PML: variants seen among roughly 807,000 people sequenced by gnomAD.
The protein encoded by PML is protein PML.
A neutral mutation model predicts 65.2 loss-of-function variants in PML; 28 were observed. The observed-to-expected ratio is 0.43, with a 90% CI of 0.32 to 0.59. The LOEUF (loss-of-function observed/expected upper bound fraction) is 0.59, where lower values mean the gene tolerates loss of function less well. PML is among the 20% of genes least tolerant of loss of function. PML has a pLI of 0.08. For synonymous variants in PML, 500 were observed against 508.8 expected (o/e 0.98, Z 0.23); for missense variants, 1,021 against 1,203.4 (o/e 0.85, Z 2.24).
At chr15:74,002,444 C>CTTTTTTTTTTTTTTTT (rs71137368) in intron 2 of PML, among the ~76,000 whole-genome samples, 23 of 104,760 alleles carry the variant, frequency 2.2e-4, no homozygotes, top group South Asian at 3.1e-4. Flanking sequence ...TCTTTCTTTT[C>CTTTTTTTTTTTTTTTT]TTTTTTTTTT....
intron 4 of PML, chr15:74,027,010 T>C (rs2141848220): frequency 1.3e-5 from 2 of 152,352 alleles, no homozygotes; most frequent in Admixed American, 1.3e-4. Flanking sequence ...GCAAATATTA[T>C]TATAGATATT....
intron 7 of PML, chr15:74,036,987 C>T: frequency 1.0e-6 from 1 of 985,476 alleles, no homozygotes. Flanking sequence ...CATCTTTCAT[C>T]AGAATTGCAG....
Position 74,045,262 on chromosome 15 carries a change from A to C in PML, c.*254A>C, listed in dbSNP as rs1168131106. On this transcript the variant is annotated 3_prime_UTR_variant, in exon 9 of 9. Coordinates refer to ENST00000268058, the MANE Select transcript of PML (RefSeq NM_033238.3). ...TTAGCCCCTCCTTCCAGGAGCTAGA[A>C]CCAGGGAGGTCCTGAGTGAGGAAGG... 4.0e-6 allele frequency: 2 copies of C among 503,458 alleles called. No homozygotes were observed. Among genetic ancestry groups the C allele is most frequent in the Non-Finnish European group, 7.1e-6 (2 of 282,964 alleles). The allele number at this position is 503,458 out of a possible 1,614,324, so 31.2% of individuals were successfully genotyped here. A position where few individuals can be genotyped will look rare whatever the true frequency, so the allele number is the denominator to read the frequency against.
chr15:74,016,790 A>ATTTTTTTT (rs1419052993), intron 2 of PML, among the ~76,000 whole-genome samples: 6 of 64,484 alleles, frequency 9.3e-5, no homozygotes, highest in African/African-American at 2.5e-4. Flanking sequence ...AGGCAGTGGC[A>ATTTTTTTT]TCTTTTTTTT....
intron 3 of PML, among the ~76,000 whole-genome samples, chr15:74,023,752 T>C (rs2070952068): frequency 6.6e-6 from 1 of 151,164 alleles, no homozygotes; most frequent in African/African-American, 2.4e-5. Context: ...CTTCAGGAGG[T>C]TCTCTTAAGC....
intron 2 of PML, among the ~76,000 whole-genome samples, chr15:74,010,517 TAAAAAAAA>T (rs59230084): frequency 7.5e-6 from 1 of 133,534 alleles, no homozygotes; most frequent in Admixed American, 7.6e-5. Flanking sequence ...GCCTTGTCTC[TAAAAAAAA>T]AAAAAAAAAA....
intron 6 of PML, chr15:74,034,114 T>A (rs2071436640): frequency 2.5e-6 from 1 of 396,912 alleles, no homozygotes; most frequent in South Asian, 2.4e-5. Context: ...ACTCTAGACA[T>A]CCCAGCTCAT....
chr15:74,020,851 C>G lies in PML; in HGVS notation c.603-1977C>G, dbSNP rs369381230. Among the ~76,000 whole-genome samples the G allele has an allele frequency of 5.6e-4, 86 of 152,308 alleles. No individual in the cohort carries two copies. In the South Asian group the frequency reaches 8.7e-3, roughly 15 times the overall value. On this transcript the variant is annotated intron_variant, in intron 2 of 8. Transcript: ENST00000268058. Reference sequence around the variant, plus strand: ...CGGCAACATCACAACATTCCCACCTCTGCATTCATCACATCACATCTCCTC... The same window carrying G: ...CGGCAACATCACAACATTCCCACCTGTGCATTCATCACATCACATCTCCTC...
chr15:74,029,005 C>T (rs2071201705), intron 4 of PML, among the ~76,000 whole-genome samples: 1 of 152,132 alleles, frequency 6.6e-6, no homozygotes, highest in African/African-American at 2.4e-5. Context: ...AATTATTTTG[C>T]ATGTTTACTC....
Position 74,022,932 on chromosome 15 carries a change from G to A in PML, c.707G>A (p.Arg236Gln). The change falls in exon 3 of 9, where the codon CGA becomes CAA. Residue 236 changes from arginine to glutamine, a missense_variant. Arg to Gln is a conservative substitution (Grantham distance 43). Transcript: ENST00000268058. Reference sequence around the variant, plus strand: ...GACATCAGCGCAGAGATCCAGCAGCGACAGGAGGAGCTGGACGCCATGACG... The same window carrying A: ...GACATCAGCGCAGAGATCCAGCAGCAACAGGAGGAGCTGGACGCCATGACG... ...KCDISAEIQQ[R>Q]QEELDAMTQA... The A allele has an allele frequency of 6.2e-7, 1 of 1,612,162 alleles. No individual in the cohort carries two copies. Among genetic ancestry groups the A allele is most frequent in the Non-Finnish European group, 8.5e-7 (1 of 1,179,268 alleles).
In PML at chr15:74,043,237, C is replaced by G. The variant is rs1408926572; in HGVS notation, c.1861+98C>G. ...GCCATCTGCCAGGCCCAGGAGAGCT[C>G]TGAGCTCTGGCCAACAACTGCAGCC... On this transcript the variant is annotated intron_variant, in intron 8 of 8. Transcript: ENST00000268058. The surrounding 1 kb of genome is among the most constrained non-coding windows in gnomAD (Gnocchi z 4.3). The G allele has an allele frequency of 6.2e-7, 1 of 1,606,536 alleles. No homozygotes were observed. Among genetic ancestry groups the G allele is most frequent in the African/African-American group, 1.3e-5 (1 of 74,640 alleles).
intron 7 of PML, among the ~76,000 whole-genome samples, chr15:74,040,271 G>A (rs2071665423): frequency 6.6e-6 from 1 of 152,094 alleles, no homozygotes; most frequent in Non-Finnish European, 1.5e-5. Flanking sequence ...CTTTTCTTTG[G>A]CGCCTGGCAT....
intron 2 of PML, among the ~76,000 whole-genome samples, chr15:74,019,491 A>C (rs914900725): frequency 6.6e-6 from 1 of 152,218 alleles, no homozygotes; most frequent in Non-Finnish European, 1.5e-5. Flanking sequence ...GCTCAAACAT[A>C]ATCTAAAAAG....
intron 2 of PML, among the ~76,000 whole-genome samples, chr15:74,014,482 G>A (rs960216100): frequency 6.6e-6 from 1 of 151,388 alleles, no homozygotes; most frequent in Non-Finnish European, 1.5e-5. Context: ...ACAGGTGCCC[G>A]CCACCACACT....
chr15:74,031,098 C>A (rs997084589), intron 4 of PML, among the ~76,000 whole-genome samples: 15 of 151,718 alleles, frequency 9.9e-5, no homozygotes, highest in African/African-American at 3.1e-4. Context: ...TATTTTTATG[C>A]CCCCAAAAGG....
intron 2 of PML, among the ~76,000 whole-genome samples, chr15:74,017,285 G>A (rs1173463627): frequency 6.6e-6 from 1 of 152,092 alleles, no homozygotes; most frequent in Non-Finnish European, 1.5e-5. Context: ...CTTCATTCCT[G>A]CCCCCTACCC....
intron 2 of PML, among the ~76,000 whole-genome samples, chr15:74,018,942 A>G (rs11072465): frequency 0.5 from 75,734 of 152,098 alleles, 19,385 homozygotes; most frequent in Non-Finnish European, 0.56. Flanking sequence ...CAAAGTGCCA[A>G]GCACGCAGCA....
In PML at chr15:74,042,930, T is replaced by G; in HGVS notation, c.1711-59T>G. 1 of 1,611,906 alleles carries G rather than the reference T, an allele frequency of 6.2e-7. No homozygotes were observed. Among genetic ancestry groups the G allele is most frequent in the Non-Finnish European group, 8.5e-7 (1 of 1,179,964 alleles). ...CAGCTATACCAGCTTGCTAGTGTTCTGCACAGGTGCTTGCCTTGGCCCTCT... is the reference window on the plus strand; with the variant it reads ...CAGCTATACCAGCTTGCTAGTGTTCGGCACAGGTGCTTGCCTTGGCCCTCT... On this transcript the variant is annotated intron_variant, in intron 7 of 8. Transcript: ENST00000268058. The surrounding 1 kb of genome is among the most constrained non-coding windows in gnomAD (Gnocchi z 5.3).
At chr15:74,026,911 C>T (rs552995954) in intron 4 of PML, 1 of 152,218 alleles carries the variant, frequency 6.6e-6, no homozygotes, top group African/African-American at 2.4e-5. Context: ...CTCAGCCTCC[C>T]AAAAGTGCTG....
Sources: gnomAD v4.1 joint callset for allele counts (sites outside exome capture counted in the v4.1 genomes callset) on GRCh38, gnomAD v4.1.1 for gene constraint, Gnocchi (gnomAD v3.1) non-coding constraint, MANE v1.5 for transcripts, NCBI Gene and HGNC (gene_info 2026-07-23, HGNC 2026-07-21) for gene names.